MAPKAP1: variants seen among roughly 807,000 people sequenced by gnomAD.
MAPKAP1 encodes the protein target of rapamycin complex 2 subunit MAPKAP1.
In MAPKAP1, 20 loss-of-function variants were observed where a neutral mutation model predicts 65.7. That is an observed-to-expected ratio of 0.30 (90% CI 0.21 to 0.44). MAPKAP1 has a LOEUF of 0.44. Among genes scored for constraint, MAPKAP1 ranks in the 20% least tolerant of loss-of-function variants. The probability of loss-of-function intolerance (pLI) is 1.00; values close to 1 mark genes in which losing one functional copy is unlikely to be tolerated. For missense variants in MAPKAP1, 423 were observed against 648.0 expected, an observed-to-expected ratio of 0.65 and a Z score of 3.77; for synonymous variants, 222 against 244.3, an observed-to-expected ratio of 0.91 and a Z score of 0.85.
chr9:125,548,803 C>T (rs896108822), intron 6 of MAPKAP1, among the ~76,000 whole-genome samples: 4 of 152,106 alleles, frequency 2.6e-5, no homozygotes, highest in African/African-American at 7.2e-5. Context: ...TTATTGAGCA[C>T]TTACTTTGTT....
Position 125,595,449 on chromosome 9 carries a change from C to T in MAPKAP1, c.499-9722G>A. 2 of 829,634 alleles carry T rather than the reference C, an allele frequency of 2.4e-6. No homozygotes were observed. Among genetic ancestry groups the T allele is most frequent in the Non-Finnish European group, 3.0e-6 (2 of 672,776 alleles). The allele number at this position is 829,634 out of a possible 1,614,324, so 51.4% of individuals were successfully genotyped here. A position where few individuals can be genotyped will look rare whatever the true frequency, so the allele number is the denominator to read the frequency against. ...CTAGAGCAGCTTTTCTCAGCTGATC[C>T]TATTAATTAAAATAATATACATTAG... On this transcript the variant is annotated intron_variant, in intron 4 of 11. Transcript: ENST00000265960. The surrounding 1 kb of genome is among the most constrained non-coding windows in gnomAD (Gnocchi z 4.0).
At chr9:125,602,582 A>G (rs1394483309) in intron 4 of MAPKAP1, among the ~76,000 whole-genome samples, 2 of 152,206 alleles carry the variant, frequency 1.3e-5, no homozygotes, top group Non-Finnish European at 2.9e-5. Flanking sequence ...CAAAGCTGAC[A>G]GTCTCGATGG....
At chr9:125,472,727 A>G (rs542186850) in intron 9 of MAPKAP1, among the ~76,000 whole-genome samples, 1 of 152,352 alleles carries the variant, frequency 6.6e-6, no homozygotes, top group East Asian at 1.9e-4. Flanking sequence ...ATAACCACGA[A>G]AAGTTTTGAC....
chr9:125,453,049 A>ATTAT (rs749331381), intron 10 of MAPKAP1, among the ~76,000 whole-genome samples: 37 of 152,256 alleles, frequency 2.4e-4, no homozygotes, highest in Admixed American at 1.1e-3. Context: ...TAAGAGTGGC[A>ATTAT]TTATTTATTT....
At chr9:125,611,653 C>T (rs931962708) in intron 4 of MAPKAP1, among the ~76,000 whole-genome samples, 2 of 152,076 alleles carry the variant, frequency 1.3e-5, no homozygotes, top group Non-Finnish European at 2.9e-5. Context: ...TGCATCTATA[C>T]CAGACAAATA....
intron 5 of MAPKAP1, among the ~76,000 whole-genome samples, chr9:125,562,592 A>G (rs1209560117): frequency 1.3e-5 from 2 of 152,194 alleles, no homozygotes; most frequent in Non-Finnish European, 1.5e-5. Context: ...ATCATTAGTA[A>G]AAGAAGCTAC....
intron 1 of MAPKAP1, among the ~76,000 whole-genome samples, chr9:125,683,159 T>C (rs1191254800): frequency 6.6e-6 from 1 of 152,068 alleles, no homozygotes; most frequent in Admixed American, 6.5e-5. Flanking sequence ...AGTTTCACTA[T>C]GTTGGGCAGG....
rs1183800858 is a variant in MAPKAP1 at position 125,439,380 on chromosome 9, C to T, written c.1444-368G>A. ...CTGTGTGACCTGGACAAGCACATAA[C>T]CTCTCTGAGCCTGCCTTTCCCTGTG... is the stretch of plus-strand genomic sequence containing the variant. On this transcript the variant is annotated intron_variant, in intron 11 of 11. Transcript: ENST00000265960. This position sits in a 1 kb window ranked among gnomAD's most constrained non-coding sequence, Gnocchi z 4.0. Among the ~76,000 whole-genome samples the T allele has an allele frequency of 6.6e-6, 1 of 152,222 alleles. No homozygotes were observed.
intron 4 of MAPKAP1, among the ~76,000 whole-genome samples, chr9:125,645,867 T>A (rs972547116): frequency 2.0e-5 from 3 of 152,114 alleles, no homozygotes; most frequent in African/African-American, 7.2e-5. Context: ...TCCCTGTCAG[T>A]GTGCTGACTC....
intron 4 of MAPKAP1, among the ~76,000 whole-genome samples, chr9:125,622,824 C>T (rs1021742117): frequency 1.4e-5 from 2 of 139,350 alleles, no homozygotes; most frequent in Non-Finnish European, 3.2e-5. Context: ...CCCCTCTCCC[C>T]TCTCCGTCTC....
intron 9 of MAPKAP1, chr9:125,477,946 A>T (rs1317005711): frequency 6.6e-6 from 1 of 152,274 alleles, no homozygotes; most frequent in African/African-American, 2.4e-5. Context: ...TAGGACTGAC[A>T]GAGGGAAAGC....
intron 5 of MAPKAP1, among the ~76,000 whole-genome samples, chr9:125,570,753 AT>A (rs1831204281): frequency 6.6e-6 from 1 of 152,348 alleles, no homozygotes; most frequent in African/African-American, 2.4e-5. Context: ...AGAAAAAAAA[AT>A]CTAAAGGTTT....
intron 7 of MAPKAP1, chr9:125,521,745 A>T (rs1829624018): frequency 1.2e-6 from 2 of 1,612,930 alleles, no homozygotes; most frequent in East Asian, 4.5e-5. Context: ...CAGTGAAATT[A>T]GTGAATTTAG....
chr9:125,633,847 C>A (rs1263270812), intron 4 of MAPKAP1, among the ~76,000 whole-genome samples: 1 of 152,204 alleles, frequency 6.6e-6, no homozygotes, highest in Non-Finnish European at 1.5e-5. Flanking sequence ...ATCCTAAATG[C>A]ATGTGGAGAT....
chr9:125,506,395 C>T lies in MAPKAP1; in HGVS notation c.981G>A (p.Lys327=). The change falls in exon 8 of 12, where the codon AAG becomes AAA. Residue 327 remains lysine (K), a synonymous_variant. Coordinates refer to ENST00000265960, the MANE Select transcript of MAPKAP1 (RefSeq NM_001006617.3). ...CAACGGCGACATTGGGCTCGCTCTG[C>T]TTCTCCAGGCGGTACTGAGGGCCTG... ...KVSGPQYRLE[K]QSEPNVAVDL... is the part of the protein sequence containing the mutation. 6.2e-7 allele frequency: 1 copy of T among 1,614,132 alleles called. No individual in the cohort carries two copies. Among genetic ancestry groups the T allele is most frequent in the Non-Finnish European group, 8.5e-7 (1 of 1,180,034 alleles).
At chr9:125,546,867 C>T (rs768912809) in intron 6 of MAPKAP1, among the ~76,000 whole-genome samples, 1 of 152,022 alleles carries the variant, frequency 6.6e-6, no homozygotes, top group Non-Finnish European at 1.5e-5. Context: ...GCTCAGAAAC[C>T]GCTCCTCCTC....
chr9:125,653,825 C>G (rs949917073), intron 4 of MAPKAP1, among the ~76,000 whole-genome samples: 1 of 152,234 alleles, frequency 6.6e-6, no homozygotes, highest in Admixed American at 6.5e-5. Context: ...TTGTGAGGAA[C>G]TCACACCCAT....
intron 10 of MAPKAP1, among the ~76,000 whole-genome samples, chr9:125,459,294 G>A (rs1273946081): frequency 1.3e-5 from 2 of 150,734 alleles, no homozygotes; most frequent in African/African-American, 2.4e-5. Context: ...TCCTAGATCG[G>A]ATGGCGGCCA....
At chr9:125,467,549 C>T (rs769574211) in intron 10 of MAPKAP1, among the ~76,000 whole-genome samples, 4 of 152,150 alleles carry the variant, frequency 2.6e-5, no homozygotes, top group African/African-American at 4.8e-5. Flanking sequence ...AGGCGTTCGC[C>T]GCCTTGGGAA....
Sources: allele counts gnomAD v4.1 joint callset (sites outside exome capture counted in the v4.1 genomes callset), GRCh38; gene constraint gnomAD v4.1.1; non-coding constraint Gnocchi (gnomAD v3.1); transcripts MANE v1.5; gene names NCBI Gene and HGNC (gene_info 2026-07-23, HGNC 2026-07-21).